ST6GALNAC3: variants seen among roughly 807,000 people sequenced by gnomAD.
The protein encoded by ST6GALNAC3 is alpha-N-acetylgalactosaminide alpha-2,6-sialyltransferase 3.
ST6GALNAC3 carries 25 observed loss-of-function variants against 32.7 expected under a neutral mutation model. That is an observed-to-expected ratio of 0.76 (90% confidence interval 0.56 to 1.07). ST6GALNAC3 has a LOEUF of 1.07. Ranked by LOEUF, ST6GALNAC3 falls within the 50% of genes least tolerant of loss-of-function variation. The pLI is 0.00. For synonymous variants in ST6GALNAC3, 129 were observed against 133.1 expected (o/e 0.97, Z 0.21); for missense variants, 355 against 382.4 (o/e 0.93, Z 0.60).
intron 1 of ST6GALNAC3, among the ~76,000 whole-genome samples, chr1:76,296,197 G>T (rs967136439): frequency 1.3e-5 from 2 of 152,044 alleles, no homozygotes; most frequent in East Asian, 1.9e-4. Flanking sequence ...TGCCTCACTA[G>T]AATAGTCTCC....
At chr1:76,290,254 T>G (rs1660006430) in intron 1 of ST6GALNAC3, among the ~76,000 whole-genome samples, 1 of 152,250 alleles carries the variant, frequency 6.6e-6, no homozygotes, top group Non-Finnish European at 1.5e-5. Context: ...GGTAAGACTA[T>G]TTTAAAAAGT....
At chr1:76,103,294 C>T (rs1014457133) in intron 1 of ST6GALNAC3, among the ~76,000 whole-genome samples, 4 of 151,956 alleles carry the variant, frequency 2.6e-5, no homozygotes, top group African/African-American at 9.7e-5. Context: ...TGCTTTTCCC[C>T]ATTCAGTCTC....
At chr1:76,397,544 A>ATT (rs34044569) in intron 2 of ST6GALNAC3, among the ~76,000 whole-genome samples, 45 of 149,900 alleles carry the variant, frequency 3.0e-4, no homozygotes, top group African/African-American at 4.9e-4. Context: ...TAATTGTTGC[A>ATT]TTTTTTTTTA....
intron 1 of ST6GALNAC3, among the ~76,000 whole-genome samples, chr1:76,113,020 C>T (rs908456340): frequency 6.6e-5 from 10 of 152,138 alleles, no homozygotes; most frequent in Non-Finnish European, 1.5e-4. Context: ...GAGCCGAGAT[C>T]ACGCCACTGC....
chr1:76,226,514 G>C lies in ST6GALNAC3; in HGVS notation c.19-87291G>C, dbSNP rs145217703. Among the ~76,000 whole-genome samples, 806 of 152,308 alleles carry C rather than the reference G, an allele frequency of 5.3e-3. 14 individuals are homozygous for C. The highest frequency in any genetic ancestry group is 0.018 in the African/African-American group (758 of 41,562). On this transcript the variant is annotated intron_variant, in intron 1 of 4. Coordinates refer to ENST00000328299, the MANE Select transcript of ST6GALNAC3 (RefSeq NM_152996.4). ...TAGTCCATTCTTGCATTGCTATCAA[G>C]AAATGCCTGAGAGTGGGAAATTTAT...
rs971694883 is a variant in ST6GALNAC3 at position 76,509,507 on chromosome 1, A to T, written c.623+97090A>T. ...GAGGTATTGAATCTACATGAAAGGG[A>T]TGGAATAAACTGGAAATGATTTATA... is the stretch of plus-strand genomic sequence containing the variant. On this transcript the variant is annotated intron_variant, in intron 3 of 4. Coordinates refer to ENST00000328299, the MANE Select transcript of ST6GALNAC3 (RefSeq NM_152996.4). The surrounding 1 kb of genome is among the most constrained non-coding windows in gnomAD (Gnocchi z 5.5). 6.6e-5 allele frequency among the ~76,000 whole-genome samples: 10 copies of T among 152,068 alleles called. No individual in the cohort carries two copies. The highest frequency in any genetic ancestry group is 1.5e-4 in the Non-Finnish European group (10 of 67,982).
chr1:76,490,079 C>T (rs998789735), intron 3 of ST6GALNAC3, among the ~76,000 whole-genome samples: 7 of 152,098 alleles, frequency 4.6e-5, no homozygotes, highest in African/African-American at 1.4e-4. Flanking sequence ...ATCCCTGCCC[C>T]GACAGCCTCT....
At chr1:76,461,837 C>G (rs1658299494) in intron 3 of ST6GALNAC3, among the ~76,000 whole-genome samples, 2 of 152,142 alleles carry the variant, frequency 1.3e-5, no homozygotes, top group South Asian at 4.1e-4. Flanking sequence ...TCTCATTTTA[C>G]AGATGGAAAG....
At chr1:76,479,033 G>A (rs1200067904) in intron 3 of ST6GALNAC3, among the ~76,000 whole-genome samples, 3 of 151,994 alleles carry the variant, frequency 2.0e-5, no homozygotes, top group East Asian at 1.9e-4. Flanking sequence ...AAAGTGCTGG[G>A]ATTACAGGCG....
At chr1:76,228,414 A>G (rs761679027) in intron 1 of ST6GALNAC3, among the ~76,000 whole-genome samples, 4 of 152,158 alleles carry the variant, frequency 2.6e-5, no homozygotes, top group Non-Finnish European at 5.9e-5. Context: ...AAATACTTGC[A>G]TTAGGTTAAT....
At chr1:76,530,076 C>A (rs1243585938) in intron 3 of ST6GALNAC3, among the ~76,000 whole-genome samples, 29 of 152,160 alleles carry the variant, frequency 1.9e-4, no homozygotes, top group Admixed American at 1.4e-3. Context: ...GTTTACAAAG[C>A]CCAGTTACTT....
intron 1 of ST6GALNAC3, among the ~76,000 whole-genome samples, chr1:76,123,905 A>G (rs1303339952): frequency 1.3e-5 from 2 of 151,702 alleles, no homozygotes; most frequent in Non-Finnish European, 2.9e-5. Flanking sequence ...ACATACCATG[A>G]CGCCTGGCTA....
At chr1:76,494,466 T>A (rs56397348) in intron 3 of ST6GALNAC3, among the ~76,000 whole-genome samples, 1 of 50,734 alleles carries the variant, frequency 2.0e-5, no homozygotes. Flanking sequence ...TATATATATA[T>A]ATACACACAC....
At chr1:76,387,776 A>T (rs917293514) in intron 2 of ST6GALNAC3, among the ~76,000 whole-genome samples, 3 of 152,084 alleles carry the variant, frequency 2.0e-5, no homozygotes, top group Non-Finnish European at 4.4e-5. Flanking sequence ...TGGTTTTTTG[A>T]TCTGAGATAC....
At position 76,176,377 on chromosome 1, in the gene ST6GALNAC3, A is replaced by C. The variant is rs147019121; in HGVS notation, c.18+101493A>C. On this transcript the variant is annotated intron_variant, in intron 1 of 4. Coordinates refer to ENST00000328299, the MANE Select transcript of ST6GALNAC3 (RefSeq NM_152996.4). Reference sequence around the variant, plus strand: ...TGGAAGGTCACAGCACTGTTTTTTGATGGAGTTTTGAGTAGTCATTTTTTC... The same window carrying C: ...TGGAAGGTCACAGCACTGTTTTTTGCTGGAGTTTTGAGTAGTCATTTTTTC... 5.0e-3 allele frequency among the ~76,000 whole-genome samples: 760 copies of C among 152,232 alleles called. 10 individuals are homozygous for C. Among genetic ancestry groups the C allele is most frequent in the African/African-American group, 0.017 (723 of 41,542 alleles).
intron 2 of ST6GALNAC3, among the ~76,000 whole-genome samples, chr1:76,409,544 A>G (rs1654068193): frequency 6.6e-6 from 1 of 151,892 alleles, no homozygotes; most frequent in Admixed American, 6.6e-5. Flanking sequence ...TAGTAGAAAA[A>G]AAAACAGATA....
At chr1:76,561,017 T>C (rs1665213625) in intron 3 of ST6GALNAC3, among the ~76,000 whole-genome samples, 1 of 152,186 alleles carries the variant, frequency 6.6e-6, no homozygotes, top group African/African-American at 2.4e-5. Context: ...TGTTTAGCCA[T>C]TTAAAAACAT....
intron 3 of ST6GALNAC3, among the ~76,000 whole-genome samples, chr1:76,453,811 G>GTT (rs1657576929): frequency 6.6e-6 from 1 of 152,124 alleles, no homozygotes; most frequent in African/African-American, 2.4e-5. Context: ...CTAGGGTGTA[G>GTT]TTTAAATCCA....
chr1:76,429,642 C>T (rs1488970602), intron 3 of ST6GALNAC3, among the ~76,000 whole-genome samples: 4 of 152,104 alleles, frequency 2.6e-5, no homozygotes, highest in African/African-American at 9.7e-5. Flanking sequence ...TTTTAAGACT[C>T]TTGAGCACTG....
Sources: allele counts gnomAD v4.1 joint callset (sites outside exome capture counted in the v4.1 genomes callset), GRCh38; gene constraint gnomAD v4.1.1; non-coding constraint Gnocchi (gnomAD v3.1); transcripts MANE v1.5; gene names NCBI Gene and HGNC (gene_info 2026-07-23, HGNC 2026-07-21).